Variants in SNX9 observed in about 807,000 individuals in gnomAD.
SNX9 encodes sorting nexin 9.
SNX9 carries 44 observed loss-of-function variants against 89.4 expected under a neutral mutation model. The ratio of observed to expected loss-of-function variants is 0.49; its 90% CI spans 0.39 to 0.63. The LOEUF is 0.63. Among genes scored for constraint, SNX9 ranks in the 30% least tolerant of loss-of-function variants. SNX9 has a pLI of 0.00. For synonymous variants in SNX9, 236 were observed against 247.8 expected (o/e 0.95, Z 0.45); for missense variants, 578 against 736.1 (o/e 0.79, Z 2.49).
intron 10 of SNX9, among the ~76,000 whole-genome samples, 187 bp downstream of exon 10, chr6:157,921,848 C>A (rs1783590954): frequency 6.6e-6 from 1 of 152,174 alleles, no homozygotes; most frequent in Non-Finnish European, 1.5e-5. Context: ...GAACTGCCTG[C>A]CAGAAGGGCT....
chr6:157,941,625 G>C (rs1784037690), intron 17 of SNX9, among the ~76,000 whole-genome samples: 1 of 152,186 alleles, frequency 6.6e-6, no homozygotes, highest in Non-Finnish European at 1.5e-5. Context: ...TGGCGGCCTT[G>C]CTGCCTACCC....
intron 4 of SNX9, among the ~76,000 whole-genome samples, chr6:157,894,106 C>CTTTTTTTTTTTTTTTTTTTTTTTT (rs746909411): frequency 1.1e-5 from 1 of 89,564 alleles, no homozygotes; most frequent in African/African-American, 4.6e-5. Flanking sequence ...CTTTTCTTTT[C>CTTTTTTTTTTTTTTTTTTTTTTTT]TTTTTTTTTT....
chr6:157,926,362 C>A (rs1414501128), intron 10 of SNX9, among the ~76,000 whole-genome samples: 1 of 152,062 alleles, frequency 6.6e-6, no homozygotes, highest in East Asian at 1.9e-4. Flanking sequence ...TTTGGGTACT[C>A]TGTGTGTGTA....
intron 1 of SNX9, among the ~76,000 whole-genome samples, chr6:157,849,810 A>T (rs550956970): frequency 3.9e-5 from 6 of 152,252 alleles, no homozygotes; most frequent in African/African-American, 1.4e-4. Flanking sequence ...TGGAATGCTG[A>T]TGAGGCCTTG....
chr6:157,873,342 T>G (rs919259637), intron 3 of SNX9, among the ~76,000 whole-genome samples, 166 bp downstream of exon 3: 7 of 151,042 alleles, frequency 4.6e-5, no homozygotes, highest in African/African-American at 1.5e-4. Context: ...GAAATAGAAC[T>G]AAGAAAAATA....
intron 4 of SNX9, among the ~76,000 whole-genome samples, chr6:157,888,485 G>A (rs1782783817): frequency 6.6e-6 from 1 of 152,140 alleles, no homozygotes; most frequent in African/African-American, 2.4e-5. Context: ...TGGAGAATTT[G>A]GTCCTGCCAT....
intron 4 of SNX9, among the ~76,000 whole-genome samples, chr6:157,890,551 C>T (rs1364372513): frequency 1.3e-5 from 2 of 152,154 alleles, no homozygotes; most frequent in East Asian, 1.9e-4. Context: ...GGAAGAGAGT[C>T]GGACATAATC....
chr6:157,902,374 CA>C (rs1783122964), intron 6 of SNX9, among the ~76,000 whole-genome samples: 1 of 152,168 alleles, frequency 6.6e-6, no homozygotes, highest in South Asian at 2.1e-4. Context: ...ATAATAATAA[CA>C]ACTCTCTTTT....
intron 1 of SNX9, among the ~76,000 whole-genome samples, chr6:157,860,486 G>A (rs940666224): frequency 3.9e-5 from 6 of 152,224 alleles, no homozygotes; most frequent in African/African-American, 9.6e-5. Context: ...GCAGTCACAC[G>A]TAGGTTTCAG....
In SNX9 at chr6:157,823,412, C is replaced by T; in HGVS notation, c.-23C>T. Reference sequence around the variant, plus strand: ...CGGCGCGGGAGACGAGCCGGCCGTCCCGGGCCGGGGGACCCGCCCGCCATG... The same window carrying T: ...CGGCGCGGGAGACGAGCCGGCCGTCTCGGGCCGGGGGACCCGCCCGCCATG... On this transcript the variant is annotated 5_prime_UTR_variant, in exon 1 of 18. Coordinates refer to ENST00000392185, the MANE Select transcript of SNX9 (RefSeq NM_016224.5). The surrounding 1 kb of genome is among the most constrained non-coding windows in gnomAD (Gnocchi z 4.6). 7.9e-7 allele frequency: 1 copy of T among 1,260,754 alleles called. No individual in the cohort carries two copies. Among genetic ancestry groups the T allele is most frequent in the Non-Finnish European group, 1.0e-6 (1 of 998,538 alleles). The allele number at this position is 1,260,754 out of a possible 1,614,324, so 78.1% of individuals were successfully genotyped here.
intron 1 of SNX9, among the ~76,000 whole-genome samples, chr6:157,828,733 G>T (rs528550803): frequency 6.6e-6 from 1 of 152,022 alleles, no homozygotes; most frequent in Non-Finnish European, 1.5e-5. Context: ...CCTCAGCCCC[G>T]CAAAGTATTG....
chr6:157,873,185 T>A lies in SNX9; in HGVS notation c.174+9T>A. The A allele has an allele frequency of 6.4e-7, 1 of 1,573,018 alleles. No homozygotes were observed. Among genetic ancestry groups the A allele is most frequent in the Non-Finnish European group, 8.6e-7 (1 of 1,158,770 alleles). ...CCACAGACTACGTTGAAGTAAGAGC[T>A]TCCTGTCATTCATTCATTAGAGCTC... On this transcript the variant is annotated intron_variant, in intron 3 of 17. Coordinates refer to ENST00000392185, the MANE Select transcript of SNX9 (RefSeq NM_016224.5).
chr6:157,840,660 T>C (rs1781687413), intron 1 of SNX9, among the ~76,000 whole-genome samples: 1 of 152,164 alleles, frequency 6.6e-6, no homozygotes, highest in South Asian at 2.1e-4. Flanking sequence ...ACTAGGAAAA[T>C]CCTGTGCTCC....
chr6:157,896,480 AAC>A (rs1014498402), intron 4 of SNX9, among the ~76,000 whole-genome samples: 3 of 152,348 alleles, frequency 2.0e-5, no homozygotes, highest in South Asian at 4.1e-4. Flanking sequence ...GAAGTATGAA[AAC>A]ACACATAGGA....
At chr6:157,875,275 A>G in intron 4 of SNX9, 99 bp downstream of exon 4, 2 of 1,428,038 alleles carry the variant, frequency 1.4e-6, no homozygotes, top group South Asian at 1.7e-5. Flanking sequence ...CCATTCCCCA[A>G]AAGCAAAAAC....
At chr6:157,940,231 C>T (rs1258539520) in intron 16 of SNX9, among the ~76,000 whole-genome samples, 1 of 152,256 alleles carries the variant, frequency 6.6e-6, no homozygotes, top group African/African-American at 2.4e-5. Flanking sequence ...CCAGTGCAGA[C>T]ACACCAGAGG....
chr6:157,927,076 T>G, intron 10 of SNX9, 35 bp from the exon 11 acceptor site: 1 of 1,525,190 alleles, frequency 6.6e-7, no homozygotes. Context: ...TTGACTGTGC[T>G]CTCCACTTGA....
intron 11 of SNX9, 45 bp downstream of exon 11, chr6:157,927,259 C>A: frequency 7.3e-7 from 1 of 1,370,368 alleles, no homozygotes. Context: ...TCCGCACCCT[C>A]CTCCTTTGGC....
At chr6:157,877,289 G>GA (rs1782540479) in intron 4 of SNX9, among the ~76,000 whole-genome samples, 2 of 151,210 alleles carry the variant, frequency 1.3e-5, no homozygotes, top group South Asian at 4.2e-4. Flanking sequence ...AGCGGGGGGG[G>GA]CATCTAGTCT....
Sources: allele counts gnomAD v4.1 joint callset (sites outside exome capture counted in the v4.1 genomes callset), GRCh38; gene constraint gnomAD v4.1.1; non-coding constraint Gnocchi (gnomAD v3.1); transcripts MANE v1.5; gene names NCBI Gene and HGNC (gene_info 2026-07-23, HGNC 2026-07-21).